Variants in CMSS1 observed in about 807,000 individuals in gnomAD.
The protein encoded by CMSS1 is protein CMSS1.
A neutral mutation model predicts 43.5 loss-of-function variants in CMSS1; 33 were observed. That is an observed-to-expected ratio of 0.76 (90% confidence interval 0.57 to 1.01). CMSS1 has a LOEUF of 1.01. CMSS1 is among the 50% of genes least tolerant of loss of function. The pLI, the probability that CMSS1 is intolerant of heterozygous loss-of-function variation, is 0.00. For missense variants in CMSS1, 313 were observed against 326.4 expected (o/e 0.96, Z 0.32); for synonymous variants, 115 against 117.2 (o/e 0.98, Z 0.12).
At chr3:99,904,594 CT>C (rs1186245625) in intron 1 of CMSS1, among the ~76,000 whole-genome samples, 2 of 152,024 alleles carry the variant, frequency 1.3e-5, no homozygotes, top group African/African-American at 4.8e-5. Context: ...GGTTTCCTTA[CT>C]TTTCTCTTTT....
At position 99,853,670 on chromosome 3, in the gene CMSS1, A is replaced by G. The variant is rs139853178; in HGVS notation, c.64+35627A>G. Reference sequence around the variant, plus strand: ...AGCATCTTTTTCATGGTTTTTGTAAATTAGTTGGCATCCCCATCTGTTCCC... The same window carrying G: ...AGCATCTTTTTCATGGTTTTTGTAAGTTAGTTGGCATCCCCATCTGTTCCC... On this transcript the variant is annotated intron_variant, in intron 1 of 9. Transcript: ENST00000421999. Among the ~76,000 whole-genome samples the G allele has an allele frequency of 1.1e-3, 162 of 152,262 alleles. 1 individual carries two copies. Among genetic ancestry groups the G allele is most frequent in the East Asian group, 6.8e-3 (35 of 5,184 alleles).
intron 1 of CMSS1, among the ~76,000 whole-genome samples, chr3:99,859,786 C>G (rs1332123595): frequency 1.3e-5 from 2 of 151,806 alleles, no homozygotes; most frequent in Admixed American, 1.3e-4. Context: ...TGGTATCAGG[C>G]CTATAATTTA....
At chr3:99,818,796 C>G (rs1942375053) in intron 1 of CMSS1, among the ~76,000 whole-genome samples, 1 of 152,258 alleles carries the variant, frequency 6.6e-6, no homozygotes, top group Admixed American at 6.5e-5. Flanking sequence ...TGAATAGTTT[C>G]TACTATGCTC....
At position 99,832,585 on chromosome 3, in the gene CMSS1, G is replaced by A. The variant is rs539190881; in HGVS notation, c.64+14542G>A. Among the ~76,000 whole-genome samples the A allele has an allele frequency of 2.2e-4, 31 of 138,292 alleles. No individual in the cohort carries two copies. In the South Asian group the frequency reaches 7.5e-3, roughly 33 times the overall value. The allele number at this position is 138,292 out of a possible 152,430, so 90.7% of individuals were successfully genotyped here. A position where few individuals can be genotyped will look rare whatever the true frequency, so the allele number is the denominator to read the frequency against. ...AGGCCTAGCGCAGTGGCTCATACCTGTAATCCCAGCACTTTGCGAGGCTGA... is the reference window on the plus strand; with the variant it reads ...AGGCCTAGCGCAGTGGCTCATACCTATAATCCCAGCACTTTGCGAGGCTGA... On this transcript the variant is annotated intron_variant, in intron 1 of 9. Coordinates refer to ENST00000421999, the MANE Select transcript of CMSS1 (RefSeq NM_032359.4).
chr3:100,050,728 C>T (rs1021431142), intron 1 of CMSS1, among the ~76,000 whole-genome samples: 10 of 152,132 alleles, frequency 6.6e-5, no homozygotes, highest in Non-Finnish European at 1.5e-5. Context: ...TGGGGTTTCA[C>T]CATGTTGGCC....
rs951091067 is a variant in CMSS1, at chr3:100,178,916, G to A, written c.*528G>A. On this transcript the variant is annotated 3_prime_UTR_variant, in exon 10 of 10. Coordinates refer to ENST00000421999, the MANE Select transcript of CMSS1 (RefSeq NM_032359.4). ...GATTATAAAGAAAAGAGGTTTAATTGACTCACAGTTTCACAGGCTGTACAG... is the reference window on the plus strand; with the variant it reads ...GATTATAAAGAAAAGAGGTTTAATTAACTCACAGTTTCACAGGCTGTACAG... The A allele has an allele frequency of 6.5e-6, 1 of 153,974 alleles. No individual in the cohort carries two copies. Among genetic ancestry groups the A allele is most frequent in the Non-Finnish European group, 1.4e-5 (1 of 69,270 alleles). 9.5% of individuals were successfully genotyped at this position (153,974 alleles called of 1,614,324 possible).
intron 1 of CMSS1, among the ~76,000 whole-genome samples, chr3:99,911,682 C>A (rs906481303): frequency 6.6e-6 from 1 of 152,168 alleles, no homozygotes; most frequent in African/African-American, 2.4e-5. Flanking sequence ...CCTTCACATT[C>A]GCTCCCTGCA....
chr3:99,913,543 G>A (rs1706859607), intron 1 of CMSS1, among the ~76,000 whole-genome samples: 1 of 152,068 alleles, frequency 6.6e-6, no homozygotes, highest in South Asian at 2.1e-4. Flanking sequence ...CTCATAAGGT[G>A]GCCTGGCTAA....
chr3:99,892,478 AC>A (rs2107615957), intron 1 of CMSS1, among the ~76,000 whole-genome samples: 1 of 152,350 alleles, frequency 6.6e-6, no homozygotes, highest in African/African-American at 2.4e-5. Flanking sequence ...TCACCACACA[AC>A]AAAAAATCCA....
In CMSS1 at chr3:99,943,081, G is replaced by A. The variant is rs140915713; in HGVS notation, c.64+125038G>A. Among the ~76,000 whole-genome samples the A allele has an allele frequency of 6.7e-3, 1,023 of 152,246 alleles. 3 individuals carry two copies. The highest frequency in any genetic ancestry group is 8.5e-3 in the African/African-American group (353 of 41,558). The stretch of plus-strand genomic sequence containing the variant: ...TGGACCTCCACTTTTGGAGTCATCT[G>A]CTTTGAAATATCCCTCAGCTGGGGC... On this transcript the variant is annotated intron_variant, in intron 1 of 9. Coordinates refer to ENST00000421999, the MANE Select transcript of CMSS1 (RefSeq NM_032359.4).
In CMSS1 at chr3:100,116,215, G is replaced by A. The variant is rs537564437; in HGVS notation, c.65-30758G>A. Among the ~76,000 whole-genome samples the A allele has an allele frequency of 3.3e-5, 5 of 152,154 alleles. No individual in the cohort carries two copies. The South Asian group carries it at 1.0e-3, about 32-fold the overall frequency. On this transcript the variant is annotated intron_variant, in intron 1 of 9. Transcript: ENST00000421999. ...TTTGCAGTTAATAAATATTTTGTGG[G>A]GAGATACTTGGAGACTAGGTAAACA...
At chr3:100,075,885 TG>T (rs1435017621) in intron 1 of CMSS1, among the ~76,000 whole-genome samples, 2 of 152,228 alleles carry the variant, frequency 1.3e-5, no homozygotes, top group Admixed American at 6.5e-5. Context: ...CTAATCCTTC[TG>T]GGGTATTAGG....
At chr3:100,114,625 T>G (rs1347465700) in intron 1 of CMSS1, 2 of 201,664 alleles carry the variant, frequency 9.9e-6, no homozygotes, top group Non-Finnish European at 2.0e-5. Context: ...TAAATTCATG[T>G]GCACATCTTG....
At chr3:99,838,737 C>T (rs1408419622) in intron 1 of CMSS1, among the ~76,000 whole-genome samples, 1 of 152,220 alleles carries the variant, frequency 6.6e-6, no homozygotes, top group Non-Finnish European at 1.5e-5. Flanking sequence ...CCTGGAACAG[C>T]TTTCCTTATA....
rs116834279 is a variant in CMSS1 at position 100,024,154 on chromosome 3, A to G, written c.65-122819A>G. ...AGGTCTTTCAGTGTCATGGTCGCCTATTTCATCTGGTTGTAAATAACAGCC... is the reference window on the plus strand; with the variant it reads ...AGGTCTTTCAGTGTCATGGTCGCCTGTTTCATCTGGTTGTAAATAACAGCC... On this transcript the variant is annotated intron_variant, in intron 1 of 9. Coordinates refer to ENST00000421999, the MANE Select transcript of CMSS1 (RefSeq NM_032359.4). 4.2e-3 allele frequency among the ~76,000 whole-genome samples: 645 copies of G among 152,102 alleles called. 4 individuals are homozygous for G. Among genetic ancestry groups the G allele is most frequent in the African/African-American group, 0.014 (600 of 41,504 alleles).
intron 1 of CMSS1, among the ~76,000 whole-genome samples, chr3:100,071,903 C>T (rs992584436): frequency 2.6e-5 from 4 of 152,186 alleles, no homozygotes; most frequent in African/African-American, 9.7e-5. Flanking sequence ...TTCAGGGGGA[C>T]TTTGCCATAT....
intron 1 of CMSS1, among the ~76,000 whole-genome samples, chr3:99,991,720 G>A (rs545889993): frequency 5.8e-4 from 88 of 151,796 alleles, no homozygotes; most frequent in African/African-American, 1.9e-3. Context: ...CTGTTGCTGC[G>A]TTATTTCAGT....
intron 9 of CMSS1, among the ~76,000 whole-genome samples, chr3:100,177,974 C>T (rs969253350): frequency 5.9e-5 from 9 of 152,108 alleles, no homozygotes; most frequent in South Asian, 2.1e-4. Flanking sequence ...CAAAAATTAG[C>T]CAGGTATCAT....
In CMSS1 at chr3:99,927,372, GT is replaced by G. The variant is rs202105318; in HGVS notation, c.64+109343del. On this transcript the variant is annotated intron_variant, in intron 1 of 9. Coordinates refer to ENST00000421999, the MANE Select transcript of CMSS1 (RefSeq NM_032359.4). ...CAAAATGTTGTTATATTTTCTTTCT[GT>G]TTTTTTTTTTTTTGAGACGGAGTTT... Among the ~76,000 whole-genome samples, 416 of 141,414 alleles carry G rather than the reference GT, an allele frequency of 2.9e-3. 3 individuals are homozygous for G. The highest frequency in any genetic ancestry group is 7.2e-3 in the East Asian group (35 of 4,864). 92.8% of individuals were successfully genotyped at this position (141,414 alleles called of 152,430 possible). A position where few individuals can be genotyped will look rare whatever the true frequency, so the allele number is the denominator to read the frequency against.
Sources: gnomAD v4.1 joint callset for allele counts (sites outside exome capture counted in the v4.1 genomes callset) on GRCh38, gnomAD v4.1.1 for gene constraint, MANE v1.5 for transcripts, NCBI Gene and HGNC (gene_info 2026-07-23, HGNC 2026-07-21) for gene names.